Variants in PTPRG observed in about 807,000 individuals in gnomAD.
PTPRG encodes the protein protein tyrosine phosphatase receptor type G.
A neutral mutation model predicts 165.3 loss-of-function variants in PTPRG; 102 were observed. The observed-to-expected ratio is 0.62, with a 90% CI of 0.53 to 0.73. The LOEUF (loss-of-function observed/expected upper bound fraction) is 0.73. PTPRG is among the 30% of genes least tolerant of loss of function. The pLI is 0.00. For synonymous variants in PTPRG, 675 were observed against 669.5 expected, an observed-to-expected ratio of 1.01 and a Z score of -0.13; for missense variants, 1,866 against 1,861.4, an observed-to-expected ratio of 1.00 and a Z score of -0.05.
intron 28 of PTPRG, among the ~76,000 whole-genome samples, chr3:62,291,510 G>C (rs1369923463): frequency 6.6e-6 from 1 of 152,010 alleles, no homozygotes; most frequent in Non-Finnish European, 1.5e-5. Flanking sequence ...TTTACCTCTG[G>C]AGAGGTTACC....
intron 4 of PTPRG, among the ~76,000 whole-genome samples, chr3:62,011,220 G>A (rs115116691): frequency 6.6e-6 from 1 of 152,124 alleles, no homozygotes; most frequent in Non-Finnish European, 1.5e-5. Context: ...GAATTGAATT[G>A]TCCGCCGCTG....
chr3:61,659,447 G>C (rs774308056), intron 1 of PTPRG: 23 of 985,192 alleles, frequency 2.3e-5, no homozygotes, highest in Non-Finnish European at 2.7e-5. Context: ...AGCCTTTGCA[G>C]GTTTGTCCAG....
At chr3:61,638,974 TA>T (rs1701993147) in intron 1 of PTPRG, among the ~76,000 whole-genome samples, 1 of 152,202 alleles carries the variant, frequency 6.6e-6, no homozygotes, top group Admixed American at 6.5e-5. Flanking sequence ...GACTTAGTCA[TA>T]AATTCTTTTC....
At position 62,009,762 on chromosome 3, in the gene PTPRG, C is replaced by G. The variant is rs954678872; in HGVS notation, c.519+6265C>G. Among the ~76,000 whole-genome samples the G allele has an allele frequency of 4.6e-5, 7 of 152,240 alleles. 1 individual carries two copies. Among genetic ancestry groups the G allele is most frequent in the East Asian group, 1.9e-4 (1 of 5,174 alleles). On this transcript the variant is annotated intron_variant, in intron 4 of 29. Transcript: ENST00000474889. ...CTGATGCAGGCACTCAGGTTCCTGC[C>G]TTACTTAGATGTGGACCAGCCTGTC...
chr3:61,580,839 A>C (rs1700278139), intron 1 of PTPRG, among the ~76,000 whole-genome samples: 1 of 152,198 alleles, frequency 6.6e-6, no homozygotes, highest in African/African-American at 2.4e-5. Context: ...ACCTTGGGTA[A>C]CAGGATATAA....
At chr3:61,755,566 T>C (rs536626845) in intron 2 of PTPRG, among the ~76,000 whole-genome samples, 2 of 152,366 alleles carry the variant, frequency 1.3e-5, no homozygotes, top group East Asian at 3.9e-4. Context: ...TTGTCTACTG[T>C]GTGCCAGGTG....
intron 2 of PTPRG, among the ~76,000 whole-genome samples, chr3:61,848,490 A>G (rs1287377845): frequency 6.6e-6 from 1 of 152,204 alleles, no homozygotes; most frequent in East Asian, 1.9e-4. Flanking sequence ...ATCTTTTCCA[A>G]GTTAAGGCTG....
chr3:62,126,826 T>C (rs938556747), intron 5 of PTPRG, among the ~76,000 whole-genome samples: 1 of 152,244 alleles, frequency 6.6e-6, no homozygotes, highest in African/African-American at 2.4e-5. Flanking sequence ...ATTGTGTCTC[T>C]GTATTCCTCT....
intron 2 of PTPRG, among the ~76,000 whole-genome samples, chr3:61,836,512 A>C (rs1339889483): frequency 6.6e-6 from 1 of 152,216 alleles, no homozygotes; most frequent in East Asian, 1.9e-4. Context: ...TATAGCAGCT[A>C]CTATTTACTA....
intron 6 of PTPRG, among the ~76,000 whole-genome samples, chr3:62,149,970 G>A (rs1164557788): frequency 6.6e-6 from 1 of 152,114 alleles, no homozygotes; most frequent in Non-Finnish European, 1.5e-5. Context: ...GAGTCCCTCT[G>A]CACTGGCTTT....
intron 1 of PTPRG, among the ~76,000 whole-genome samples, chr3:61,729,383 A>G (rs1389252412): frequency 6.6e-6 from 1 of 152,172 alleles, no homozygotes; most frequent in Non-Finnish European, 1.5e-5. Flanking sequence ...TTGACATTTA[A>G]AAACCGCTAT....
chr3:62,233,400 C>G lies in PTPRG; in HGVS notation c.2375+2089C>G, dbSNP rs1675832083. ...GCACTTTTGCTGCCTCCTTTCCTGA[C>G]CCATGTCCATCCTGCTGCTGTTCTA... On this transcript the variant is annotated intron_variant, in intron 14 of 29. Transcript: ENST00000474889. This position sits in a 1 kb window ranked among gnomAD's most constrained non-coding sequence, Gnocchi z 4.7. Among the ~76,000 whole-genome samples the G allele has an allele frequency of 6.6e-6, 1 of 152,172 alleles. No individual in the cohort carries two copies. The highest frequency in any genetic ancestry group is 1.5e-5 in the Non-Finnish European group (1 of 68,042).
chr3:61,973,386 C>G (rs908028955), intron 2 of PTPRG, among the ~76,000 whole-genome samples: 2 of 152,146 alleles, frequency 1.3e-5, no homozygotes, highest in Non-Finnish European at 2.9e-5. Flanking sequence ...TTGACATATG[C>G]TTGCATCATT....
intron 2 of PTPRG, among the ~76,000 whole-genome samples, chr3:61,787,307 G>T (rs1052942032): frequency 5.9e-5 from 9 of 152,100 alleles, no homozygotes; most frequent in African/African-American, 1.7e-4. Context: ...GAAAGAATCC[G>T]GAAACAAGAG....
chr3:61,948,266 A>G (rs2039812813), intron 2 of PTPRG, among the ~76,000 whole-genome samples: 1 of 152,272 alleles, frequency 6.6e-6, no homozygotes, highest in East Asian at 1.9e-4. Flanking sequence ...TGGAGGTTGC[A>G]GTGAGCCGAG....
At chr3:61,819,094 CT>C (rs1295475167) in intron 2 of PTPRG, among the ~76,000 whole-genome samples, 1 of 151,550 alleles carries the variant, frequency 6.6e-6, no homozygotes, top group Non-Finnish European at 1.5e-5. Flanking sequence ...TCTTGTGAAA[CT>C]TTTTTTTTCT....
chr3:61,962,221 T>C (rs1214535542), intron 2 of PTPRG, among the ~76,000 whole-genome samples: 1 of 152,226 alleles, frequency 6.6e-6, no homozygotes, highest in Non-Finnish European at 1.5e-5. Flanking sequence ...TTGACAGCTG[T>C]GTTGACTCTC....
In PTPRG at chr3:61,639,300, C is replaced by T. The variant is rs533080766; in HGVS notation, c.85+76928C>T. On this transcript the variant is annotated intron_variant, in intron 1 of 29. Coordinates refer to ENST00000474889, the MANE Select transcript of PTPRG (RefSeq NM_002841.4). ...TTTTGTAATAGTACCATGCTGTTTT[C>T]GTCACTGTAGCCTTATAGCATAGTT... Among the ~76,000 whole-genome samples the T allele has an allele frequency of 3.3e-3, 505 of 152,192 alleles. 2 individuals carry two copies. The highest frequency in any genetic ancestry group is 0.012 in the African/African-American group (485 of 41,524).
intron 1 of PTPRG, among the ~76,000 whole-genome samples, chr3:61,587,362 C>G (rs1234991943): frequency 6.6e-6 from 1 of 152,078 alleles, no homozygotes; most frequent in African/African-American, 2.4e-5. Context: ...TGTTTTTTCT[C>G]TCTATGCACA....
Sources: gnomAD v4.1 joint callset for allele counts (sites outside exome capture counted in the v4.1 genomes callset) on GRCh38, gnomAD v4.1.1 for gene constraint, Gnocchi (gnomAD v3.1) non-coding constraint, MANE v1.5 for transcripts, NCBI Gene and HGNC (gene_info 2026-07-23, HGNC 2026-07-21) for gene names.